Variants in CACNA1B observed in about 807,000 individuals in gnomAD.
CACNA1B encodes the protein calcium voltage-gated channel subunit alpha1 B, also known as voltage-dependent N-type calcium channel subunit alpha-1B.
CACNA1B carries 70 observed loss-of-function variants against 247.2 expected under a neutral mutation model. The observed-to-expected ratio is 0.28, with a 90% confidence interval of 0.23 to 0.35. The LOEUF is 0.35. CACNA1B is among the 10% of genes least tolerant of loss of function. The probability of loss-of-function intolerance (pLI) is 1.00; values close to 1 mark genes in which losing one functional copy is unlikely to be tolerated. For synonymous variants in CACNA1B, 1,231 were observed against 1,294.4 expected (o/e 0.95, Z 1.05); for missense variants, 2,367 against 3,197.4 (o/e 0.74, Z 6.26).
chr9:137,906,551 A>AT (rs1242470039), intron 3 of CACNA1B, among the ~76,000 whole-genome samples: 3 of 152,060 alleles, frequency 2.0e-5, no homozygotes, highest in Admixed American at 2.0e-4. Flanking sequence ...CTTTCTCTGC[A>AT]TCCCCGTGTG....
At chr9:138,114,568 G>C (rs1961788581) in intron 41 of CACNA1B, 78 bp downstream of exon 41, 1 of 687,902 alleles carries the variant, frequency 1.5e-6, no homozygotes, top group Admixed American at 2.5e-5. Context: ...GTTGACGACG[G>C]GGGAGATGCA....
intron 6 of CACNA1B, among the ~76,000 whole-genome samples, chr9:137,941,884 A>C (rs961125794): frequency 2.0e-5 from 3 of 152,254 alleles, no homozygotes; most frequent in Admixed American, 1.3e-4. Flanking sequence ...TCTAGAAGAT[A>C]ACATTGGAAA....
intron 3 of CACNA1B, among the ~76,000 whole-genome samples, chr9:137,903,724 A>G (rs906211945): frequency 6.6e-6 from 1 of 152,134 alleles, no homozygotes; most frequent in African/African-American, 2.4e-5. Flanking sequence ...GGAATGTAGT[A>G]TGTATGAAAA....
At chr9:137,902,084 A>G (rs755637027) in intron 3 of CACNA1B, among the ~76,000 whole-genome samples, 8 of 152,196 alleles carry the variant, frequency 5.3e-5, no homozygotes, top group Non-Finnish European at 1.0e-4. Flanking sequence ...AATTTATTCA[A>G]TATAAATCTG....
intron 15 of CACNA1B, among the ~76,000 whole-genome samples, chr9:137,997,615 A>G (rs1239761217): frequency 6.6e-6 from 1 of 152,232 alleles, no homozygotes; most frequent in Non-Finnish European, 1.5e-5. Context: ...TAAACCCTCA[A>G]TGAAACAACC....
Position 138,055,650 on chromosome 9 carries a change from G to A in CACNA1B, c.3968+1644G>A, listed in dbSNP as rs1589100457. Among the ~76,000 whole-genome samples, 4 of 152,256 alleles carry A rather than the reference G, an allele frequency of 2.6e-5. No homozygotes were observed. The South Asian group carries it at 6.2e-4, about 24-fold the overall frequency. On this transcript the variant is annotated intron_variant, in intron 26 of 46. Coordinates refer to ENST00000371372, the MANE Select transcript of CACNA1B (RefSeq NM_000718.4). ...TATGGGTTAAGATACGTTTTCTGACGATAGATATCCAATTCACCCAGCATC... is the reference window on the plus strand; with the variant it reads ...TATGGGTTAAGATACGTTTTCTGACAATAGATATCCAATTCACCCAGCATC...
chr9:137,971,398 G>C lies in CACNA1B; in HGVS notation c.1349G>C (p.Arg450Pro). The C allele has an allele frequency of 6.2e-7, 1 of 1,611,952 alleles. No homozygotes were observed. Among genetic ancestry groups the C allele is most frequent in the Non-Finnish European group, 8.5e-7 (1 of 1,178,998 alleles). Reference sequence around the variant, plus strand: ...ATCCCCTCAGGATCCCCCTTCGCCCGCGCCAGCCTCAAGAGCGGGAAGACA... The same window carrying C: ...ATCCCCTCAGGATCCCCCTTCGCCCCCGCCAGCCTCAAGAGCGGGAAGACA... ...DLCAVGSPFA[R>P]ASLKSGKTES... The change falls in exon 11 of 47, where the codon CGC (arginine) becomes CCC (proline). Residue 450 changes from arginine to proline, a missense_variant. Physicochemically the swap from Arg to Pro is moderately radical, Grantham distance 103 (BLOSUM62 -2). Transcript: ENST00000371372. The surrounding 1 kb of genome is among the most constrained non-coding windows in gnomAD (Gnocchi z 4.4).
rs199792680 is a variant in CACNA1B, at chr9:137,914,834, A to G, written c.775+28A>G. 9.0e-5 allele frequency: 145 copies of G among 1,611,894 alleles called. 1 individual carries two copies. Among genetic ancestry groups the G allele is most frequent in the Admixed American group, 1.7e-5 (1 of 59,892 alleles). ...GAGGCCAGGCAGCACCCTCCAGCAC[A>G]GGCAAGTGCCACGGATGCGTTCATC... On this transcript the variant is annotated intron_variant, in intron 5 of 46. Transcript: ENST00000371372. This position sits in a 1 kb window ranked among gnomAD's most constrained non-coding sequence, Gnocchi z 4.3.
rs1466141232 is a variant in CACNA1B at position 137,950,786 on chromosome 9, G to T, written c.967-1488G>T. Among the ~76,000 whole-genome samples the T allele has an allele frequency of 6.6e-6, 1 of 152,206 alleles. No individual in the cohort carries two copies. The highest frequency in any genetic ancestry group is 1.5e-5 in the Non-Finnish European group (1 of 68,042). Reference sequence around the variant, plus strand: ...CCAGAAACACACCTTATATCCTGGGGTCCTAGCTAGTCTGCTCTATTTTCT... The same window carrying T: ...CCAGAAACACACCTTATATCCTGGGTTCCTAGCTAGTCTGCTCTATTTTCT... On this transcript the variant is annotated intron_variant, in intron 6 of 46. Transcript: ENST00000371372. The surrounding 1 kb of genome is among the most constrained non-coding windows in gnomAD (Gnocchi z 4.8).
At chr9:138,064,415 C>T (rs1457259466) in intron 31 of CACNA1B, among the ~76,000 whole-genome samples, 1 of 152,204 alleles carries the variant, frequency 6.6e-6, no homozygotes, top group Non-Finnish European at 1.5e-5. Flanking sequence ...TGAAAACTGA[C>T]TGGTTGAGAG....
At chr9:138,118,424 TGTGTGAGACCAGGGTGGGGGAC>T (rs1332657379) in intron 43 of CACNA1B, among the ~76,000 whole-genome samples, 2 of 50,756 alleles carry the variant, frequency 3.9e-5, no homozygotes, top group African/African-American at 8.2e-5. Flanking sequence ...GGGTGGGGGA[TGTGTGAGACCAGGGTGGGGGAC>T]GTGTGAGACT....
At position 138,013,000 on chromosome 9, in the gene CACNA1B, C is replaced by A. The variant is rs1958744207; in HGVS notation, c.2161-129C>A. ...TCACTCAGGGGTTGGCTGCCTGTCT[C>A]CACTGGATAGAGAGCAGCACTGTGT... On this transcript the variant is annotated intron_variant, in intron 17 of 46. Transcript: ENST00000371372. This position sits in a 1 kb window ranked among gnomAD's most constrained non-coding sequence, Gnocchi z 4.2. 1.5e-6 allele frequency: 1 copy of A among 655,996 alleles called. No individual in the cohort carries two copies. Among genetic ancestry groups the A allele is most frequent in the Admixed American group, 2.8e-5 (1 of 35,336 alleles). 40.6% of individuals were successfully genotyped at this position (655,996 alleles called of 1,614,324 possible).
At chr9:138,013,091 CTG>C (rs1361109481) in intron 17 of CACNA1B, 36 bp from the exon 18 acceptor site, 1 of 1,490,222 alleles carries the variant, frequency 6.7e-7, no homozygotes, top group African/African-American at 1.4e-5. Context: ...GGCTATAACA[CTG>C]TGAGGGGAAC....
At chr9:138,043,523 G>A (rs748998697) in intron 20 of CACNA1B, among the ~76,000 whole-genome samples, 8 of 152,152 alleles carry the variant, frequency 5.3e-5, no homozygotes, top group Non-Finnish European at 8.8e-5. Context: ...TGCTGGGCTC[G>A]GTGTTGTTGC....
In CACNA1B at chr9:138,121,374, C is replaced by T; in HGVS notation, c.6490-95C>T. 1.0e-6 allele frequency: 1 copy of T among 974,764 alleles called. No individual in the cohort carries two copies. Among genetic ancestry groups the T allele is most frequent in the Non-Finnish European group, 1.5e-6 (1 of 678,938 alleles). The allele number at this position is 974,764 out of a possible 1,614,324, so 60.4% of individuals were successfully genotyped here. A position where few individuals can be genotyped will look rare whatever the true frequency, so the allele number is the denominator to read the frequency against. On this transcript the variant is annotated intron_variant, in intron 46 of 46. Coordinates refer to ENST00000371372, the MANE Select transcript of CACNA1B (RefSeq NM_000718.4). The surrounding 1 kb of genome is among the most constrained non-coding windows in gnomAD (Gnocchi z 6.8). The stretch of plus-strand genomic sequence containing the variant: ...CATTGCCTCCCTCTCTCCTCCCATC[C>T]CCCCAGGCACCTGTGTGTGATGTGC...
intron 44 of CACNA1B, 87 bp downstream of exon 44, chr9:138,118,855 A>G (rs923330043): frequency 4.5e-6 from 3 of 672,760 alleles, no homozygotes; most frequent in African/African-American, 3.7e-5. Flanking sequence ...CCTGCAGGTG[A>G]GGAGAGCTGG....
rs767508045 is a variant in CACNA1B, at chr9:138,013,153, G to A, written c.2185G>A (p.Ala729Thr). 3.1e-6 allele frequency: 5 copies of A among 1,613,508 alleles called. No individual in the cohort carries two copies. The South Asian group carries it at 3.3e-5, about 11-fold the overall frequency. ...TKDEEEMEEAANQKLALQKAK... is the reference protein window; with the variant it reads ...TKDEEEMEEATNQKLALQKAK... ...GGATGAAGAGGAGATGGAAGAAGCA[G>A]CCAATCAGAAGCTTGCTCTGCAAAA... The change falls in exon 18 of 47, where the codon GCC becomes ACC. Residue 729 changes from alanine to threonine, a missense_variant. By Grantham distance (58) the Ala-to-Thr change is moderately conservative. This residue lies in a region of CACNA1B where 76 missense variants were observed against 191.0 expected (regional missense o/e 0.40). Coordinates refer to ENST00000371372, the MANE Select transcript of CACNA1B (RefSeq NM_000718.4).
chr9:137,941,902 G>T (rs553969329), intron 6 of CACNA1B, among the ~76,000 whole-genome samples: 1 of 152,176 alleles, frequency 6.6e-6, no homozygotes, highest in African/African-American at 2.4e-5. Flanking sequence ...AAAAACCCTT[G>T]TAGACATTGG....
At chr9:138,016,977 G>C (rs1337711506) in intron 18 of CACNA1B, among the ~76,000 whole-genome samples, 2 of 152,236 alleles carry the variant, frequency 1.3e-5, no homozygotes, top group African/African-American at 4.8e-5. Flanking sequence ...TTCACCCTGA[G>C]GTCTCGGCTG....
Sources: allele counts gnomAD v4.1 joint callset (sites outside exome capture counted in the v4.1 genomes callset), GRCh38; gene constraint gnomAD v4.1.1; regional missense constraint gnomAD v4.1.1; non-coding constraint Gnocchi (gnomAD v3.1); transcripts MANE v1.5; gene names NCBI Gene and HGNC (gene_info 2026-07-23, HGNC 2026-07-21).